The following DAB1 variants were observed in gnomAD, a reference collection of about 807,000 sequenced individuals.
The protein encoded by DAB1 is disabled homolog 1.
In DAB1, 15 loss-of-function variants were observed where a neutral mutation model predicts 64.6. That is an observed-to-expected ratio of 0.23 (90% CI 0.16 to 0.36). DAB1 has a LOEUF of 0.36. DAB1 is among the 10% of genes least tolerant of loss of function. DAB1 has a pLI of 1.00. For missense variants in DAB1, 596 were observed against 706.7 expected, an observed-to-expected ratio of 0.84 and a Z score of 1.78; for synonymous variants, 235 against 251.9, an observed-to-expected ratio of 0.93 and a Z score of 0.64.
intron 5 of DAB1, among the ~76,000 whole-genome samples, chr1:58,126,732 G>C (rs1029479098): frequency 1.3e-5 from 2 of 151,534 alleles, no homozygotes; most frequent in Admixed American, 1.3e-4. Flanking sequence ...TCTTGCGATA[G>C]TTTACTGAGA....
intron 5 of DAB1, among the ~76,000 whole-genome samples, chr1:57,943,819 G>A (rs59241501): frequency 0.017 from 2,519 of 152,180 alleles, 72 homozygotes; most frequent in African/African-American, 0.058. Flanking sequence ...AAAGCCATGC[G>A]GAGACCTGGG....
At chr1:57,174,266 T>C (rs753667850) in intron 2 of DAB1, among the ~76,000 whole-genome samples, 1 of 152,164 alleles carries the variant, frequency 6.6e-6, no homozygotes, top group Non-Finnish European at 1.5e-5. Context: ...ATATCTGCTC[T>C]GGGCATTCCA....
intron 1 of DAB1, among the ~76,000 whole-genome samples, chr1:57,377,200 G>T (rs1026431860): frequency 1.3e-5 from 2 of 151,976 alleles, no homozygotes; most frequent in African/African-American, 2.4e-5. Context: ...AACCCAGGAG[G>T]TGGAGGTTGC....
At chr1:58,433,899 A>G (rs984225899) in intron 3 of DAB1, among the ~76,000 whole-genome samples, 28 of 152,216 alleles carry the variant, frequency 1.8e-4, no homozygotes, top group African/African-American at 6.3e-4. Flanking sequence ...CAGGGAGTTA[A>G]CCACATGAAT....
chr1:58,045,502 C>T (rs1274691242), intron 5 of DAB1, among the ~76,000 whole-genome samples: 2 of 152,194 alleles, frequency 1.3e-5, no homozygotes, highest in East Asian at 1.9e-4. Flanking sequence ...TTGTTCCCGG[C>T]GATAATGAGG....
At chr1:58,095,613 T>C (rs1454679241) in intron 5 of DAB1, among the ~76,000 whole-genome samples, 1 of 152,172 alleles carries the variant, frequency 6.6e-6, no homozygotes, top group Non-Finnish European at 1.5e-5. Context: ...TCCATAACAA[T>C]AGGTTGAGCA....
At chr1:57,736,611 T>C (rs758005269) in intron 6 of DAB1, among the ~76,000 whole-genome samples, 52 of 152,164 alleles carry the variant, frequency 3.4e-4, no homozygotes, top group Non-Finnish European at 6.9e-4. Flanking sequence ...AAAGAACATG[T>C]GATAGAGCTT....
At chr1:57,644,272 G>C (rs776865101) in intron 7 of DAB1, among the ~76,000 whole-genome samples, 3 of 152,174 alleles carry the variant, frequency 2.0e-5, no homozygotes, top group African/African-American at 4.8e-5. Context: ...GCGATGAGGT[G>C]GTGAGAGGCT....
At chr1:58,342,817 C>A (rs971292055) in intron 4 of DAB1, among the ~76,000 whole-genome samples, 2 of 152,086 alleles carry the variant, frequency 1.3e-5, no homozygotes, top group Admixed American at 6.6e-5. Flanking sequence ...ACCCCATAGA[C>A]CCAGCTTGGG....
chr1:57,998,639 C>T (rs1428218732), intron 5 of DAB1, among the ~76,000 whole-genome samples: 1 of 152,192 alleles, frequency 6.6e-6, no homozygotes, highest in African/African-American at 2.4e-5. Context: ...GCTGGGATTA[C>T]AGGCATGAGC....
At chr1:58,453,324 A>G (rs1174496135) in intron 3 of DAB1, among the ~76,000 whole-genome samples, 1 of 152,106 alleles carries the variant, frequency 6.6e-6, no homozygotes, top group Non-Finnish European at 1.5e-5. Flanking sequence ...TAATCTATAC[A>G]TGTTTACCCA....
chr1:57,868,336 A>G (rs12092824), intron 1 of DAB1, among the ~76,000 whole-genome samples: 2,668 of 152,158 alleles, frequency 0.018, 91 homozygotes, highest in African/African-American at 0.062. Context: ...AAGCAACTAG[A>G]CTGATTTCTT....
upstream of DAB1, among the ~76,000 whole-genome samples, chr1:57,424,964 C>A (rs1436865425): frequency 6.6e-6 from 1 of 152,196 alleles, no homozygotes; most frequent in Non-Finnish European, 1.5e-5. Flanking sequence ...GCGGCTCCAG[C>A]GAGTACACAG....
intron 6 of DAB1, among the ~76,000 whole-genome samples, chr1:57,762,990 C>A (rs920333306): frequency 2.0e-5 from 3 of 152,188 alleles, no homozygotes; most frequent in Non-Finnish European, 4.4e-5. Flanking sequence ...CCCTAAGGGG[C>A]TCATATGGTA....
At chr1:57,115,254 A>C (rs2100735101) in intron 4 of DAB1, among the ~76,000 whole-genome samples, 1 of 152,324 alleles carries the variant, frequency 6.6e-6, no homozygotes, top group East Asian at 1.9e-4. Flanking sequence ...CCAGCTTTGT[A>C]TCCTGAACAA....
chr1:57,060,137 T>TTTA (rs1340113810), intron 9 of DAB1, among the ~76,000 whole-genome samples: 5 of 147,000 alleles, frequency 3.4e-5, no homozygotes, highest in African/African-American at 1.0e-4. Context: ...TTTATTTTAT[T>TTTA]TTATTTTATT....
At chr1:57,466,747 A>T (rs1686966584) in intron 7 of DAB1, among the ~76,000 whole-genome samples, 1 of 152,166 alleles carries the variant, frequency 6.6e-6, no homozygotes, top group Non-Finnish European at 1.5e-5. Flanking sequence ...ATTCAGTTCC[A>T]TGCAGTTGTA....
chr1:58,203,402 A>G (rs1658102736), intron 4 of DAB1, among the ~76,000 whole-genome samples: 1 of 152,238 alleles, frequency 6.6e-6, no homozygotes, highest in Non-Finnish European at 1.5e-5. Flanking sequence ...GACTTACTTC[A>G]GGGTTCCCTA....
At chr1:57,067,318 G>C (rs958500055) in intron 8 of DAB1, among the ~76,000 whole-genome samples, 1 of 152,138 alleles carries the variant, frequency 6.6e-6, no homozygotes, top group African/African-American at 2.4e-5. Flanking sequence ...AGGGGATTCT[G>C]AGCTGAGAGC....
Sources: allele counts gnomAD v4.1 joint callset (sites outside exome capture counted in the v4.1 genomes callset), GRCh38; gene constraint gnomAD v4.1.1; transcripts MANE v1.5; gene names NCBI Gene and HGNC (gene_info 2026-07-23, HGNC 2026-07-21).